The following ELF2 variants were observed in gnomAD, a reference collection of about 807,000 sequenced individuals.
The protein encoded by ELF2 is E74 like ETS transcription factor 2, also known as ETS-related transcription factor Elf-2.
ELF2 carries 11 observed loss-of-function variants against 54.8 expected under a neutral mutation model. That is an observed-to-expected ratio of 0.20 (90% CI 0.13 to 0.33). The LOEUF is 0.33. Among genes scored for constraint, ELF2 ranks in the 10% least tolerant of loss-of-function variants. ELF2 has a pLI of 1.00. For missense variants in ELF2, 513 were observed against 703.0 expected (o/e 0.73, Z 3.06); for synonymous variants, 203 against 245.1 (o/e 0.83, Z 1.61).
In ELF2 at chr4:139,068,704, A is replaced by C. The variant is rs1729078938; in HGVS notation, c.527-934T>G. Among the ~76,000 whole-genome samples, 4 of 152,234 alleles carry C rather than the reference A, an allele frequency of 2.6e-5. No individual in the cohort carries two copies. In the South Asian group the frequency reaches 8.3e-4, roughly 31 times the overall value. On this transcript the variant is annotated intron_variant, in intron 6 of 9. Coordinates refer to ENST00000686138, the MANE Select transcript of ELF2 (RefSeq NM_001331036.3). ...GCATCCACAATGAATAGAAAAAGTA[A>C]GGGCTATATACTTTTCTACACGAAA...
chr4:139,071,850 T>C lies in ELF2; in HGVS notation c.526+16A>G. 2 of 1,571,898 alleles carry C rather than the reference T, an allele frequency of 1.3e-6. No individual in the cohort carries two copies. The highest frequency in any genetic ancestry group is 1.7e-6 in the Non-Finnish European group (2 of 1,168,018). ...ATTTTCACCTGCCTTCTCAGAAATG[T>C]ATAAATATACTCTACCTTTTTTCTT... On this transcript the variant is annotated intron_variant, in intron 6 of 9. Coordinates refer to ENST00000686138, the MANE Select transcript of ELF2 (RefSeq NM_001331036.3).
intron 1 of ELF2, among the ~76,000 whole-genome samples, chr4:139,164,781 G>A (rs907922959): frequency 6.6e-6 from 1 of 152,178 alleles, no homozygotes; most frequent in Non-Finnish European, 1.5e-5. Flanking sequence ...AACATCTTCT[G>A]AACTGCAGCT....
chr4:139,126,783 C>T (rs1307460206), intron 3 of ELF2, among the ~76,000 whole-genome samples: 3 of 152,100 alleles, frequency 2.0e-5, no homozygotes, highest in Non-Finnish European at 2.9e-5. Context: ...AAACATTTAC[C>T]TTTCATGTTT....
At position 139,122,934 on chromosome 4, in the gene ELF2, C is replaced by T. The variant is rs1023276398; in HGVS notation, c.238+2230G>A. 2.6e-5 allele frequency among the ~76,000 whole-genome samples: 4 copies of T among 151,930 alleles called. No homozygotes were observed. The East Asian group carries it at 5.8e-4, about 22-fold the overall frequency. On this transcript the variant is annotated intron_variant, in intron 4 of 9. Transcript: ENST00000686138. Reference sequence around the variant, plus strand: ...GCACGCTGGCTTGTGCCTATAATCCCAGCACTTTGGGAGGCCGAGGCGGGC... The same window carrying T: ...GCACGCTGGCTTGTGCCTATAATCCTAGCACTTTGGGAGGCCGAGGCGGGC...
intron 1 of ELF2, among the ~76,000 whole-genome samples, chr4:139,161,210 G>T (rs1319715139): frequency 1.3e-5 from 2 of 152,118 alleles, no homozygotes; most frequent in African/African-American, 4.8e-5. Context: ...CAACCCAAAT[G>T]CCTTTTTAAT....
chr4:139,160,216 A>T (rs1740988504), intron 1 of ELF2, among the ~76,000 whole-genome samples: 1 of 152,182 alleles, frequency 6.6e-6, no homozygotes, highest in Non-Finnish European at 1.5e-5. Flanking sequence ...GGGCGCCTGT[A>T]GTCAGTTACT....
chr4:139,060,742 A>G, intron 8 of ELF2, 68 bp from the exon 9 acceptor site: 1 of 1,307,404 alleles, frequency 7.6e-7, no homozygotes, highest in Non-Finnish European at 1.1e-6. Flanking sequence ...CCCCCGCCAA[A>G]AAGACCACAT....
intron 1 of ELF2, among the ~76,000 whole-genome samples, chr4:139,154,723 A>G (rs1740349281): frequency 6.9e-6 from 1 of 145,356 alleles, no homozygotes. Flanking sequence ...TGCAGGACAA[A>G]AGAGTTCTAA....
intron 1 of ELF2, among the ~76,000 whole-genome samples, chr4:139,164,102 G>A (rs1578972596): frequency 2.0e-5 from 3 of 149,148 alleles, no homozygotes; most frequent in South Asian, 4.3e-4. Flanking sequence ...GAGGGAGAGA[G>A]AGAAAGAGGG....
intron 4 of ELF2, among the ~76,000 whole-genome samples, chr4:139,085,513 G>T (rs897882235): frequency 1.3e-5 from 2 of 152,244 alleles, no homozygotes; most frequent in South Asian, 2.1e-4. Context: ...TCTTATAAAA[G>T]CTTGCCCAAC....
intron 1 of ELF2, among the ~76,000 whole-genome samples, chr4:139,172,729 C>A (rs1376834678): frequency 6.6e-6 from 1 of 151,986 alleles, no homozygotes; most frequent in Non-Finnish European, 1.5e-5. Context: ...TGTAACTATT[C>A]TATTGTATTG....
chr4:139,068,872 A>C (rs1560763569), intron 6 of ELF2, among the ~76,000 whole-genome samples: 1 of 152,062 alleles, frequency 6.6e-6, no homozygotes, highest in Non-Finnish European at 1.5e-5. Context: ...ACACACATAA[A>C]TACATACACT....
At chr4:139,127,820 C>G (rs1737075801) in intron 3 of ELF2, among the ~76,000 whole-genome samples, 2 of 151,952 alleles carry the variant, frequency 1.3e-5, no homozygotes, top group Admixed American at 1.3e-4. Context: ...CGAAAATTAG[C>G]CAGGCATGGT....
At chr4:139,092,965 ATT>A (rs771791854) in intron 4 of ELF2, among the ~76,000 whole-genome samples, 12 of 136,586 alleles carry the variant, frequency 8.8e-5, no homozygotes, top group Admixed American at 7.3e-5. Flanking sequence ...ATAGTAAATA[ATT>A]TTTTTTTTTT....
intron 1 of ELF2, among the ~76,000 whole-genome samples, chr4:139,165,149 T>C (rs1449011084): frequency 1.3e-5 from 2 of 152,230 alleles, no homozygotes; most frequent in Non-Finnish European, 2.9e-5. Flanking sequence ...TTAGGGTTTT[T>C]GGTTACTTAG....
At chr4:139,098,375 C>T (rs888632115) in intron 4 of ELF2, among the ~76,000 whole-genome samples, 1 of 152,038 alleles carries the variant, frequency 6.6e-6, no homozygotes, top group Non-Finnish European at 1.5e-5. Context: ...ATCTCTCTGT[C>T]CCAATGAAAA....
At chr4:139,133,660 G>C (rs1205287520) in intron 3 of ELF2, among the ~76,000 whole-genome samples, 1 of 150,436 alleles carries the variant, frequency 6.6e-6, no homozygotes, top group Non-Finnish European at 1.5e-5. Context: ...TTAAGATACG[G>C]GGTTCACTAT....
At position 139,108,722 on chromosome 4, in the gene ELF2, AC is replaced by A. The variant is rs575006127; in HGVS notation, c.238+16441del. 1.5e-4 allele frequency among the ~76,000 whole-genome samples: 23 copies of A among 152,176 alleles called. 1 individual carries two copies. The South Asian group carries it at 4.8e-3, about 32-fold the overall frequency. On this transcript the variant is annotated intron_variant, in intron 4 of 9. Coordinates refer to ENST00000686138, the MANE Select transcript of ELF2 (RefSeq NM_001331036.3). ...AATGGATAAGAAGGCAACAAAACAT[AC>A]CCTGCTCTGAGAACAGACTTGTCTT...
At chr4:139,121,355 G>A (rs1393572101) in intron 4 of ELF2, among the ~76,000 whole-genome samples, 5 of 151,620 alleles carry the variant, frequency 3.3e-5, no homozygotes, top group East Asian at 1.9e-4. Flanking sequence ...TGATTCACCC[G>A]CCTTGGCCTC....
Sources: allele counts gnomAD v4.1 joint callset (sites outside exome capture counted in the v4.1 genomes callset), GRCh38; gene constraint gnomAD v4.1.1; transcripts MANE v1.5; gene names NCBI Gene and HGNC (gene_info 2026-07-23, HGNC 2026-07-21).